The following STRN variants were observed in gnomAD, a reference collection of about 807,000 sequenced individuals.
The protein encoded by STRN is protein phosphatase 2 regulatory subunit B'''alpha.
Under a neutral mutation model 96.3 loss-of-function variants are expected in STRN, and 53 were observed. The observed-to-expected ratio is 0.55, with a 90% CI of 0.44 to 0.69. The LOEUF is 0.69. STRN is among the 30% of genes least tolerant of loss of function. The pLI is 0.00. For synonymous variants in STRN, 428 were observed against 355.9 expected (o/e 1.20, Z -2.28); for missense variants, 987 against 963.9 (o/e 1.02, Z -0.32).
intron 2 of STRN, among the ~76,000 whole-genome samples, chr2:36,921,839 A>C (rs1022753521): frequency 1.3e-4 from 20 of 152,184 alleles, no homozygotes; most frequent in African/African-American, 4.6e-4. Context: ...AATGTATTTC[A>C]TACTCTATCT....
chr2:36,905,792 A>G (rs1669804747), intron 3 of STRN, among the ~76,000 whole-genome samples, 174 bp from the exon 4 acceptor site: 1 of 152,236 alleles, frequency 6.6e-6, no homozygotes, highest in South Asian at 2.1e-4. Context: ...TTCTATAACA[A>G]AACTCTAATA....
intron 6 of STRN, among the ~76,000 whole-genome samples, chr2:36,897,653 G>T (rs1669580093): frequency 6.6e-6 from 1 of 151,748 alleles, no homozygotes; most frequent in African/African-American, 2.4e-5. Flanking sequence ...TAGCCAGGAT[G>T]GTCTTGATCT....
rs141488374 is a variant in STRN, at chr2:36,874,977, CCTAA to C, written c.1323+2910_1323+2913del. On this transcript the variant is annotated intron_variant, in intron 10 of 17. Transcript: ENST00000263918. ...TAATGTAAAATGTAAAATAAATAATCCTAACTGAGTATAGAGTGTACAAAACAAT... is the reference window on the plus strand; with the variant it reads ...TAATGTAAAATGTAAAATAAATAATCCTGAGTATAGAGTGTACAAAACAAT... 3.3e-3 allele frequency among the ~76,000 whole-genome samples: 507 copies of C among 152,054 alleles called. 1 individual carries two copies. The highest frequency in any genetic ancestry group is 0.011 in the African/African-American group (467 of 41,502).
At chr2:36,934,977 C>T (rs142477082) in intron 1 of STRN, among the ~76,000 whole-genome samples, 1 of 152,324 alleles carries the variant, frequency 6.6e-6, no homozygotes, top group Non-Finnish European at 1.5e-5. Flanking sequence ...ACTCGGGAGG[C>T]TGAGGCACAA....
chr2:36,892,625 C>A (rs1332882310), intron 7 of STRN, among the ~76,000 whole-genome samples: 1 of 152,050 alleles, frequency 6.6e-6, no homozygotes, highest in Non-Finnish European at 1.5e-5. Flanking sequence ...TTTTAAAATT[C>A]ATATGGAGAA....
At chr2:36,918,083 T>C (rs78177568) in intron 2 of STRN, among the ~76,000 whole-genome samples, 4,241 of 152,244 alleles carry the variant, frequency 0.028, 88 homozygotes, top group African/African-American at 0.065. Context: ...ACTATATAGA[T>C]ACTTAATTTT....
At chr2:36,896,564 C>G (rs990351534) in intron 6 of STRN, among the ~76,000 whole-genome samples, 1 of 151,988 alleles carries the variant, frequency 6.6e-6, no homozygotes, top group Non-Finnish European at 1.5e-5. Context: ...AAGAGAAAAC[C>G]AAAGAAGTTA....
chr2:36,917,309 G>T (rs1670130230), intron 2 of STRN, among the ~76,000 whole-genome samples: 1 of 151,524 alleles, frequency 6.6e-6, no homozygotes, highest in South Asian at 2.1e-4. Flanking sequence ...ATCACCAGAG[G>T]TCAGGAGTTT....
At position 36,839,533 on chromosome 2, in the gene STRN, T is replaced by A. The variant is rs540207363; in HGVS notation, c.*9923A>T. On this transcript the variant is annotated 3_prime_UTR_variant, in exon 18 of 18. Transcript: ENST00000263918. ...GTGAACAAGTCATTTGCTGGATGCT[T>A]ATTTTATTAGGTGTTTTACATCCGT... Among the ~76,000 whole-genome samples the A allele has an allele frequency of 6.6e-6, 1 of 152,322 alleles. No homozygotes were observed. The highest frequency in any genetic ancestry group is 6.5e-5 in the Admixed American group (1 of 15,298).
rs561175942 is a variant in STRN, at chr2:36,958,863, C to G, written c.234+7367G>C. On this transcript the variant is annotated intron_variant, in intron 1 of 17. Transcript: ENST00000263918. Reference sequence around the variant, plus strand: ...AGGCTGGGTGTGGTAGCTCACGCCTCTAATCCCAACACTTGGGAGGCTGAG... The same window carrying G: ...AGGCTGGGTGTGGTAGCTCACGCCTGTAATCCCAACACTTGGGAGGCTGAG... 4.3e-4 allele frequency among the ~76,000 whole-genome samples: 65 copies of G among 152,292 alleles called. No homozygotes were observed. The South Asian group carries it at 0.012, about 29-fold the overall frequency.
In STRN at chr2:36,838,853, T is replaced by A. The variant is rs1158021952; in HGVS notation, c.*10603A>T. 6.6e-6 allele frequency among the ~76,000 whole-genome samples: 1 copy of A among 151,766 alleles called. No homozygotes were observed. Among genetic ancestry groups the A allele is most frequent in the East Asian group, 1.9e-4 (1 of 5,190 alleles). On this transcript the variant is annotated 3_prime_UTR_variant, in exon 18 of 18. Coordinates refer to ENST00000263918, the MANE Select transcript of STRN (RefSeq NM_003162.4). ...TCATCCTACATTGTTAAATGAGAAA[T>A]GTGAGATGCAGAGAACGTACATGAT...
At chr2:36,962,790 G>A (rs553739264) in intron 1 of STRN, among the ~76,000 whole-genome samples, 120 of 152,088 alleles carry the variant, frequency 7.9e-4, no homozygotes, top group Non-Finnish European at 1.5e-3. Context: ...TTACAGGTGT[G>A]AGCCACCGCG....
At chr2:36,930,581 T>G (rs1288130619) in intron 1 of STRN, among the ~76,000 whole-genome samples, 1 of 152,128 alleles carries the variant, frequency 6.6e-6, no homozygotes, top group African/African-American at 2.4e-5. Flanking sequence ...GAATTTGCAT[T>G]TCTAGTAAGT....
intron 4 of STRN, among the ~76,000 whole-genome samples, chr2:36,903,677 G>A (rs899976007): frequency 6.6e-6 from 1 of 152,162 alleles, no homozygotes; most frequent in African/African-American, 2.4e-5. Flanking sequence ...ACAAGATTTG[G>A]TCTTAGTTAT....
intron 10 of STRN, among the ~76,000 whole-genome samples, chr2:36,874,922 A>C (rs1668863211): frequency 6.6e-6 from 1 of 152,182 alleles, no homozygotes; most frequent in Admixed American, 6.5e-5. Context: ...CATGCAGAAA[A>C]TAATTTTAAA....
In STRN at chr2:36,885,812, TAA is replaced by T. The variant is rs781635430; in HGVS notation, c.1042+902_1042+903del. Reference sequence around the variant, plus strand: ...CGCAACTTTAAAATACATTTCTCACTAAGTTAGATTTTAATCTCACTTTATAC... The same window carrying T: ...CGCAACTTTAAAATACATTTCTCACTGTTAGATTTTAATCTCACTTTATAC... On this transcript the variant is annotated intron_variant, in intron 8 of 17. Coordinates refer to ENST00000263918, the MANE Select transcript of STRN (RefSeq NM_003162.4). Among the ~76,000 whole-genome samples, 9 of 152,268 alleles carry T rather than the reference TAA, an allele frequency of 5.9e-5. No homozygotes were observed. The East Asian group carries it at 1.2e-3, about 20-fold the overall frequency.
intron 3 of STRN, among the ~76,000 whole-genome samples, chr2:36,914,935 G>A (rs974320968): frequency 2.0e-5 from 3 of 151,914 alleles, no homozygotes; most frequent in Non-Finnish European, 4.4e-5. Context: ...GGTGGCTCAC[G>A]CCTGTAATCC....
At chr2:36,916,874 A>G (rs1287990384) in intron 2 of STRN, among the ~76,000 whole-genome samples, 1 of 152,122 alleles carries the variant, frequency 6.6e-6, no homozygotes, top group Non-Finnish European at 1.5e-5. Flanking sequence ...GACTAGAAAA[A>G]TAACCCAGAT....
intron 7 of STRN, among the ~76,000 whole-genome samples, chr2:36,887,054 C>G (rs1572648903): frequency 4.0e-4 from 4 of 10,110 alleles, no homozygotes; most frequent in South Asian, 0.014. Flanking sequence ...CACACACACA[C>G]ACACACACAC....
Sources: gnomAD v4.1 joint callset for allele counts (sites outside exome capture counted in the v4.1 genomes callset) on GRCh38, gnomAD v4.1.1 for gene constraint, MANE v1.5 for transcripts, NCBI Gene and HGNC (gene_info 2026-07-23, HGNC 2026-07-21) for gene names.